SFMBT2: variants seen among roughly 807,000 people sequenced by gnomAD.
SFMBT2 encodes the protein Scm like with four mbt domains 2.
A neutral mutation model predicts 110.1 loss-of-function variants in SFMBT2; 38 were observed. The ratio of observed to expected loss-of-function variants is 0.35; its 90% CI spans 0.27 to 0.45. The LOEUF (loss-of-function observed/expected upper bound fraction) is 0.45. SFMBT2 is among the 20% of genes least tolerant of loss of function. The pLI, the probability that SFMBT2 is intolerant of heterozygous loss-of-function variation, is 1.00. For synonymous variants in SFMBT2, 425 were observed against 425.4 expected, an observed-to-expected ratio of 1.00 and a Z score of 0.01; for missense variants, 1,011 against 1,094.9, an observed-to-expected ratio of 0.92 and a Z score of 1.08.
At chr10:7,173,935 C>T (rs1394853126) in intron 17 of SFMBT2, among the ~76,000 whole-genome samples, 1 of 152,188 alleles carries the variant, frequency 6.6e-6, no homozygotes, top group African/African-American at 2.4e-5. Context: ...TTTCTGCACC[C>T]CAATTTCCTT....
chr10:7,280,774 C>T (rs965833440), intron 6 of SFMBT2, among the ~76,000 whole-genome samples: 2 of 152,144 alleles, frequency 1.3e-5, no homozygotes, highest in Non-Finnish European at 2.9e-5. Context: ...ATGCTATTTC[C>T]TCTGATTCAG....
intron 4 of SFMBT2, among the ~76,000 whole-genome samples, chr10:7,307,617 T>A (rs906795729): frequency 2.6e-5 from 4 of 152,218 alleles, no homozygotes; most frequent in African/African-American, 7.2e-5. Flanking sequence ...AACTGGTTTA[T>A]CCGTATGGAG....
At chr10:7,203,279 G>A (rs11255039) in intron 12 of SFMBT2, 34,494 of 192,876 alleles carry the variant, frequency 0.18, 3,200 homozygotes, top group Middle Eastern at 0.25. Context: ...AAATAAATAA[G>A]AAAAATACTC....
chr10:7,338,083 C>T (rs1843771263), intron 4 of SFMBT2, among the ~76,000 whole-genome samples: 1 of 152,180 alleles, frequency 6.6e-6, no homozygotes, highest in Non-Finnish European at 1.5e-5. Context: ...ACCAACAGCT[C>T]TCATTGTCTT....
intron 8 of SFMBT2, among the ~76,000 whole-genome samples, chr10:7,245,656 T>C (rs1424085927): frequency 6.6e-6 from 1 of 152,244 alleles, no homozygotes. Flanking sequence ...CCAAGGCTTC[T>C]AATGCCAGTA....
At chr10:7,269,037 G>T (rs1187894423) in intron 7 of SFMBT2, among the ~76,000 whole-genome samples, 2 of 87,856 alleles carry the variant, frequency 2.3e-5, no homozygotes, top group African/African-American at 7.2e-5. Context: ...AAATAACAGG[G>T]TTCGTCTTCA....
chr10:7,178,138 A>G (rs1224733287), intron 16 of SFMBT2, among the ~76,000 whole-genome samples: 2 of 152,146 alleles, frequency 1.3e-5, no homozygotes, highest in East Asian at 3.9e-4. Flanking sequence ...GTGGGGGGTG[A>G]CAAGAATGGG....
chr10:7,394,105 T>G (rs1472895174), intron 1 of SFMBT2, among the ~76,000 whole-genome samples: 1 of 151,952 alleles, frequency 6.6e-6, no homozygotes, highest in Non-Finnish European at 1.5e-5. Context: ...GTTCAAGAGA[T>G]CCTCCTAACT....
chr10:7,316,342 G>T (rs1394546207), intron 4 of SFMBT2, among the ~76,000 whole-genome samples: 1 of 152,154 alleles, frequency 6.6e-6, no homozygotes, highest in East Asian at 1.9e-4. Flanking sequence ...AAAAGGCAGT[G>T]AGCGTACCCC....
intron 11 of SFMBT2, among the ~76,000 whole-genome samples, chr10:7,217,198 G>A (rs965436950): frequency 6.6e-6 from 1 of 152,174 alleles, no homozygotes; most frequent in South Asian, 2.1e-4. Context: ...CTTTAACGGG[G>A]AGAGAGTTTC....
At chr10:7,289,070 T>C (rs1588421372) in intron 4 of SFMBT2, among the ~76,000 whole-genome samples, 1 of 151,802 alleles carries the variant, frequency 6.6e-6, no homozygotes, top group East Asian at 1.9e-4. Flanking sequence ...GTCTTTCCAG[T>C]AGATTCTCTG....
intron 11 of SFMBT2, chr10:7,206,479 G>A (rs1190916318): frequency 1.0e-6 from 1 of 985,378 alleles, no homozygotes. Flanking sequence ...ACGTGGACAA[G>A]GCCCTTCTCT....
At chr10:7,270,644 T>G (rs1401596701) in intron 7 of SFMBT2, among the ~76,000 whole-genome samples, 4 of 152,156 alleles carry the variant, frequency 2.6e-5, no homozygotes, top group African/African-American at 9.7e-5. Context: ...AAAGTAATAT[T>G]CAGTATCTGC....
chr10:7,349,115 C>T (rs559371587), intron 4 of SFMBT2, among the ~76,000 whole-genome samples: 15 of 152,302 alleles, frequency 9.8e-5, no homozygotes, highest in Non-Finnish European at 1.9e-4. Flanking sequence ...ATTTTTAAAT[C>T]CCCTCTCTTG....
chr10:7,333,092 C>G (rs1257625905), intron 4 of SFMBT2, among the ~76,000 whole-genome samples: 1 of 152,094 alleles, frequency 6.6e-6, no homozygotes. Context: ...GTCTCAAACT[C>G]CTGAACTCAG....
At chr10:7,234,612 A>C (rs1564398129) in intron 9 of SFMBT2, among the ~76,000 whole-genome samples, 1 of 152,204 alleles carries the variant, frequency 6.6e-6, no homozygotes, top group Non-Finnish European at 1.5e-5. Flanking sequence ...TTCAATCAAA[A>C]GTGACCGTTT....
At chr10:7,247,831 G>A (rs1305781014) in intron 8 of SFMBT2, among the ~76,000 whole-genome samples, 1 of 152,160 alleles carries the variant, frequency 6.6e-6, no homozygotes, top group African/African-American at 2.4e-5. Flanking sequence ...CAGAGGTTAT[G>A]TCATTAAAAC....
At chr10:7,219,576 T>C (rs1033520543) in intron 11 of SFMBT2, 2 of 193,832 alleles carry the variant, frequency 1.0e-5, no homozygotes, top group Non-Finnish European at 1.9e-5. Flanking sequence ...AACTCTTTAT[T>C]CCAATCATGG....
chr10:7,213,991 G>T (rs1193486951), intron 11 of SFMBT2, among the ~76,000 whole-genome samples: 1 of 152,102 alleles, frequency 6.6e-6, no homozygotes, highest in Non-Finnish European at 1.5e-5. Flanking sequence ...CATCTGGGGA[G>T]GAGCCAACGG....
Sources: allele counts gnomAD v4.1 joint callset (sites outside exome capture counted in the v4.1 genomes callset), GRCh38; gene constraint gnomAD v4.1.1; transcripts MANE v1.5; gene names NCBI Gene and HGNC (gene_info 2026-07-23, HGNC 2026-07-21).